The following SYNPR variants were observed in gnomAD, a reference collection of about 807,000 sequenced individuals.
SYNPR encodes synaptoporin.
A neutral mutation model predicts 32.9 loss-of-function variants in SYNPR; 23 were observed. The observed-to-expected ratio is 0.70, with a 90% CI of 0.50 to 0.99. SYNPR has a LOEUF of 0.99. Ranked by LOEUF, SYNPR falls within the 50% of genes least tolerant of loss-of-function variation. The probability of loss-of-function intolerance (pLI) is 0.00; values close to 1 mark genes in which losing one functional copy is unlikely to be tolerated. For missense variants in SYNPR, 318 were observed against 349.3 expected (o/e 0.91, Z 0.71); for synonymous variants, 146 against 135.9 (o/e 1.07, Z -0.52).
chr3:63,396,893 A>C (rs2071077273), intron 2 of SYNPR, among the ~76,000 whole-genome samples: 1 of 152,168 alleles, frequency 6.6e-6, no homozygotes, highest in Admixed American at 6.5e-5. Context: ...TCACGAGGTC[A>C]GGAGATCGAG....
At chr3:63,311,301 A>T (rs2086961271) in intron 2 of SYNPR, among the ~76,000 whole-genome samples, 1 of 152,012 alleles carries the variant, frequency 6.6e-6, no homozygotes, top group African/African-American at 2.4e-5. Context: ...GTAAGGGAAT[A>T]ACCAGATCAA....
chr3:63,352,117 G>A (rs989235423), intron 2 of SYNPR, among the ~76,000 whole-genome samples: 1 of 152,124 alleles, frequency 6.6e-6, no homozygotes, highest in African/African-American at 2.4e-5. Flanking sequence ...TGGAAACAGA[G>A]AGAATGCCAG....
chr3:63,451,129 T>C (rs1270771996), intron 2 of SYNPR, among the ~76,000 whole-genome samples: 2 of 152,170 alleles, frequency 1.3e-5, no homozygotes, highest in Non-Finnish European at 2.9e-5. Context: ...TAATAATGAG[T>C]AACTTCCCAG....
chr3:63,495,518 G>T (rs1701354005), intron 3 of SYNPR, among the ~76,000 whole-genome samples: 1 of 152,046 alleles, frequency 6.6e-6, no homozygotes, highest in South Asian at 2.1e-4. Flanking sequence ...TTACCTTTTG[G>T]CATCTTTAGA....
In SYNPR at chr3:63,302,719, T is replaced by C. The variant is rs146604306; in HGVS notation, c.84+23977T>C. Among the ~76,000 whole-genome samples, 8 of 152,146 alleles carry C rather than the reference T, an allele frequency of 5.3e-5. No homozygotes were observed. The East Asian group carries it at 1.5e-3, about 29-fold the overall frequency. On this transcript the variant is annotated intron_variant, in intron 2 of 5. Coordinates refer to ENST00000478300, the MANE Select transcript of SYNPR (RefSeq NM_001130003.2). ...TAACATGTCTTTAAATGTTTGTTTC[T>C]CTAAAAATAATCTTTGTTTTCTTCT...
At chr3:63,610,612 A>G (rs1486212067) in intron 5 of SYNPR, 1 of 600,724 alleles carries the variant, frequency 1.7e-6, no homozygotes, top group African/African-American at 1.8e-5. Context: ...ATTTTTATTC[A>G]TTGCTGACCA....
At chr3:63,574,886 A>G (rs1309295908) in intron 4 of SYNPR, among the ~76,000 whole-genome samples, 3 of 152,134 alleles carry the variant, frequency 2.0e-5, no homozygotes, top group African/African-American at 7.2e-5. Flanking sequence ...GTCAGATAAA[A>G]GCTATTTTTC....
chr3:63,317,960 T>C (rs556277030), intron 2 of SYNPR, among the ~76,000 whole-genome samples: 1 of 152,166 alleles, frequency 6.6e-6, no homozygotes, highest in African/African-American at 2.4e-5. Flanking sequence ...TAATGGTGAA[T>C]TCTCTCAGCA....
intron 2 of SYNPR, among the ~76,000 whole-genome samples, chr3:63,360,995 C>T (rs2087651789): frequency 6.6e-6 from 1 of 152,122 alleles, no homozygotes; most frequent in South Asian, 2.1e-4. Context: ...CAGATGGCTT[C>T]CTGCACGTAA....
At chr3:63,523,893 G>T (rs1701956198) in intron 3 of SYNPR, among the ~76,000 whole-genome samples, 1 of 152,124 alleles carries the variant, frequency 6.6e-6, no homozygotes, top group Non-Finnish European at 1.5e-5. Flanking sequence ...GCATAAACCA[G>T]GAATCTGCCC....
chr3:63,565,682 G>A (rs1225605471), intron 4 of SYNPR, among the ~76,000 whole-genome samples: 4 of 152,168 alleles, frequency 2.6e-5, no homozygotes, highest in African/African-American at 7.2e-5. Context: ...GTGTTGCCAT[G>A]TGAGGACACA....
chr3:63,552,828 G>A (rs1168163857), intron 3 of SYNPR, among the ~76,000 whole-genome samples: 2 of 152,100 alleles, frequency 1.3e-5, no homozygotes, highest in Non-Finnish European at 2.9e-5. Context: ...TTTACTATGT[G>A]GCTTAGAACG....
At chr3:63,262,034 AAAAAC>A (rs2086442416) in intron 2 of SYNPR, among the ~76,000 whole-genome samples, 1 of 152,202 alleles carries the variant, frequency 6.6e-6, no homozygotes, top group African/African-American at 2.4e-5. Flanking sequence ...TAATAAAAAA[AAAAAC>A]AAACTCATGA....
At chr3:63,552,421 A>G (rs2106822676) in intron 3 of SYNPR, among the ~76,000 whole-genome samples, 1 of 152,336 alleles carries the variant, frequency 6.6e-6, no homozygotes, top group Admixed American at 6.5e-5. Flanking sequence ...GCTCTATGAT[A>G]TAACCATAAT....
intron 2 of SYNPR, among the ~76,000 whole-genome samples, chr3:63,391,545 T>C (rs1273756323): frequency 6.6e-6 from 1 of 152,218 alleles, no homozygotes; most frequent in East Asian, 1.9e-4. Context: ...GAGAATTATG[T>C]GCCACACACA....
intron 4 of SYNPR, among the ~76,000 whole-genome samples, chr3:63,587,997 T>C (rs1184203360): frequency 6.6e-6 from 1 of 152,068 alleles, no homozygotes; most frequent in Non-Finnish European, 1.5e-5. Context: ...AGGTTACTGG[T>C]GGGGTAAGTT....
intron 2 of SYNPR, among the ~76,000 whole-genome samples, chr3:63,400,306 A>C (rs1301508051): frequency 6.6e-6 from 1 of 152,246 alleles, no homozygotes; most frequent in African/African-American, 2.4e-5. Flanking sequence ...GAGATTCTGC[A>C]GGTCAGAAGT....
At chr3:63,613,773 C>T (rs1700238248) in intron 5 of SYNPR, among the ~76,000 whole-genome samples, 1 of 152,098 alleles carries the variant, frequency 6.6e-6, no homozygotes, top group South Asian at 2.1e-4. Context: ...CTCCCAACTA[C>T]CTTCCAAGAA....
chr3:63,366,141 G>C (rs1350591098), intron 2 of SYNPR, among the ~76,000 whole-genome samples: 1 of 152,116 alleles, frequency 6.6e-6, no homozygotes, highest in Non-Finnish European at 1.5e-5. Flanking sequence ...ATCTTAATTA[G>C]CTTTAATTCT....
Sources: gnomAD v4.1 joint callset for allele counts (sites outside exome capture counted in the v4.1 genomes callset) on GRCh38, gnomAD v4.1.1 for gene constraint, MANE v1.5 for transcripts, NCBI Gene and HGNC (gene_info 2026-07-23, HGNC 2026-07-21) for gene names.